The following ZBTB8A variants were observed in gnomAD, a reference collection of about 807,000 sequenced individuals.
The protein encoded by ZBTB8A is zinc finger and BTB domain containing 8A, also known as zinc finger and BTB domain-containing protein 8A.
In ZBTB8A, 19 loss-of-function variants were observed where a neutral mutation model predicts 37.8. That is an observed-to-expected ratio of 0.50 (90% confidence interval 0.35 to 0.74). The LOEUF (loss-of-function observed/expected upper bound fraction) is 0.74. Among genes scored for constraint, ZBTB8A ranks in the 30% least tolerant of loss-of-function variants. The pLI is 0.01. For synonymous variants in ZBTB8A, 181 were observed against 185.2 expected (o/e 0.98, Z 0.19); for missense variants, 394 against 537.8 (o/e 0.73, Z 2.65).
At chr1:32,599,179 CAA>C (rs906405976) in intron 4 of ZBTB8A, among the ~76,000 whole-genome samples, 9 of 151,860 alleles carry the variant, frequency 5.9e-5, no homozygotes, top group Non-Finnish European at 8.8e-5. Flanking sequence ...ATACACAAAA[CAA>C]GAGAGATTGC....
intron 1 of ZBTB8A, among the ~76,000 whole-genome samples, chr1:32,546,330 G>T (rs188622702): frequency 6.6e-6 from 1 of 152,164 alleles, no homozygotes; most frequent in East Asian, 1.9e-4. Context: ...TGTAATCCCA[G>T]CTACTCAGGA....
intron 2 of ZBTB8A, among the ~76,000 whole-genome samples, chr1:32,580,988 T>G (rs1225873163): frequency 6.7e-6 from 1 of 148,870 alleles, no homozygotes; most frequent in Non-Finnish European, 1.5e-5. Context: ...CACGACCTAA[T>G]AACTTCTTTA....
At chr1:32,566,424 C>T (rs915289022) in intron 2 of ZBTB8A, among the ~76,000 whole-genome samples, 1 of 151,726 alleles carries the variant, frequency 6.6e-6, no homozygotes, top group Non-Finnish European at 1.5e-5. Flanking sequence ...ACTCAGGAGG[C>T]TAAGGTGGGA....
At chr1:32,548,285 G>T (rs1372972155) in intron 1 of ZBTB8A, among the ~76,000 whole-genome samples, 2 of 151,624 alleles carry the variant, frequency 1.3e-5, no homozygotes, top group Non-Finnish European at 2.9e-5. Context: ...TGAATATGAT[G>T]AAACCAGTCA....
chr1:32,550,971 A>AG (rs1215921878), intron 1 of ZBTB8A, among the ~76,000 whole-genome samples: 7 of 151,940 alleles, frequency 4.6e-5, no homozygotes, highest in Non-Finnish European at 1.0e-4. Context: ...AAAAAAAAAA[A>AG]AAAGCCACAA....
chr1:32,567,825 A>AAAAAACAAAAAC (rs1644294123), intron 2 of ZBTB8A, among the ~76,000 whole-genome samples: 1 of 63,676 alleles, frequency 1.6e-5, no homozygotes, highest in Non-Finnish European at 2.7e-5. Context: ...AAAAAAAAAC[A>AAAAAACAAAAAC]AAAACAAAAC....
At chr1:32,562,006 G>A (rs767674325) in intron 2 of ZBTB8A, among the ~76,000 whole-genome samples, 25 of 151,992 alleles carry the variant, frequency 1.6e-4, no homozygotes, top group Non-Finnish European at 3.4e-4. Context: ...CTAGAGTGCA[G>A]TGATGTGATC....
intron 1 of ZBTB8A, among the ~76,000 whole-genome samples, chr1:32,545,797 C>A (rs955721398): frequency 1.3e-5 from 2 of 152,140 alleles, no homozygotes; most frequent in African/African-American, 4.8e-5. Flanking sequence ...GTATAAACTT[C>A]TTTTCATCCT....
At chr1:32,571,873 G>A (rs1273953880) in intron 2 of ZBTB8A, among the ~76,000 whole-genome samples, 3 of 151,978 alleles carry the variant, frequency 2.0e-5, no homozygotes, top group African/African-American at 4.8e-5. Context: ...CACTGCGCCC[G>A]GCCACAAATA....
intron 2 of ZBTB8A, among the ~76,000 whole-genome samples, chr1:32,555,941 T>C (rs1296474973): frequency 1.3e-5 from 2 of 152,070 alleles, no homozygotes; most frequent in Non-Finnish European, 2.9e-5. Flanking sequence ...GAGACACTTG[T>C]CTGTGTGCCC....
At chr1:32,559,173 G>A (rs6678350) in intron 2 of ZBTB8A, among the ~76,000 whole-genome samples, 17,466 of 149,470 alleles carry the variant, frequency 0.12, 1,107 homozygotes, top group African/African-American at 0.19. Flanking sequence ...GTGCAATGGC[G>A]TGATCTCAGC....
chr1:32,598,133 G>A (rs928681269), intron 4 of ZBTB8A, among the ~76,000 whole-genome samples: 1 of 150,068 alleles, frequency 6.7e-6, no homozygotes, highest in African/African-American at 2.5e-5. Context: ...TGATTAATAT[G>A]TCAACAGTTA....
chr1:32,565,614 C>G (rs769838652), intron 2 of ZBTB8A, among the ~76,000 whole-genome samples: 1 of 152,164 alleles, frequency 6.6e-6, no homozygotes, highest in East Asian at 1.9e-4. Flanking sequence ...TGATCACCTA[C>G]TGCAGTCCAA....
At chr1:32,568,117 C>G (rs1316806375) in intron 2 of ZBTB8A, among the ~76,000 whole-genome samples, 3 of 151,974 alleles carry the variant, frequency 2.0e-5, no homozygotes, top group African/African-American at 7.2e-5. Context: ...CCACTGCACT[C>G]CAGCCTGGGC....
At chr1:32,596,356 C>T (rs368931488) in intron 4 of ZBTB8A, among the ~76,000 whole-genome samples, 13 of 144,722 alleles carry the variant, frequency 9.0e-5, no homozygotes, top group East Asian at 8.1e-4. Flanking sequence ...GGCGACTGAG[C>T]GAGACTCCAT....
chr1:32,590,801 G>A (rs1261845856), intron 2 of ZBTB8A, among the ~76,000 whole-genome samples: 1 of 152,040 alleles, frequency 6.6e-6, no homozygotes, highest in East Asian at 1.9e-4. Flanking sequence ...GTCTAAACTA[G>A]GATACTACTC....
intron 2 of ZBTB8A, among the ~76,000 whole-genome samples, chr1:32,578,784 G>T (rs1420082952): frequency 1.3e-5 from 2 of 151,932 alleles, no homozygotes; most frequent in Non-Finnish European, 2.9e-5. Flanking sequence ...TGTGATCATA[G>T]CGCGCTACAG....
At chr1:32,566,454 A>T (rs1450879323) in intron 2 of ZBTB8A, among the ~76,000 whole-genome samples, 1 of 150,164 alleles carries the variant, frequency 6.7e-6, no homozygotes, top group African/African-American at 2.5e-5. Flanking sequence ...GAGCCTGGGA[A>T]GTCAAGACTG....
In ZBTB8A at chr1:32,567,561, G is replaced by A. The variant is rs569236878; in HGVS notation, c.-2+14021G>A. 7.9e-5 allele frequency among the ~76,000 whole-genome samples: 12 copies of A among 151,758 alleles called. No individual in the cohort carries two copies. The East Asian group carries it at 9.6e-4, about 12-fold the overall frequency. ...TGTAATCCCAGCACTTTGGGAGGCC[G>A]AGGCAGGCAGATCACAAGGTCAGGA... On this transcript the variant is annotated intron_variant, in intron 2 of 4. Transcript: ENST00000373510.
Sources: gnomAD v4.1 joint callset for allele counts (sites outside exome capture counted in the v4.1 genomes callset) on GRCh38, gnomAD v4.1.1 for gene constraint, MANE v1.5 for transcripts, NCBI Gene and HGNC (gene_info 2026-07-23, HGNC 2026-07-21) for gene names.